Variants in ADGRV1 observed in about 807,000 individuals in gnomAD.
ADGRV1 encodes the protein G-protein coupled receptor 98.
Under a neutral mutation model 596.2 loss-of-function variants are expected in ADGRV1, and 359 were observed. That is an observed-to-expected ratio of 0.60 (90% CI 0.55 to 0.66). The LOEUF is 0.66. ADGRV1 is among the 30% of genes least tolerant of loss of function. The probability of loss-of-function intolerance (pLI) is 0.00; values close to 1 mark genes in which losing one functional copy is unlikely to be tolerated. For missense variants in ADGRV1, 7,274 were observed against 7,575.6 expected, an observed-to-expected ratio of 0.96 and a Z score of 1.48; for synonymous variants, 2,681 against 2,679.2, an observed-to-expected ratio of 1.00 and a Z score of -0.02.
chr5:90,917,583 T>C (rs1773495286), intron 83 of ADGRV1, among the ~76,000 whole-genome samples: 1 of 152,236 alleles, frequency 6.6e-6, no homozygotes. Flanking sequence ...TATCAAGCTC[T>C]GAATCTGCCA....
At chr5:91,049,073 A>AT (rs1056131239) in intron 85 of ADGRV1, among the ~76,000 whole-genome samples, 1 of 152,064 alleles carries the variant, frequency 6.6e-6, no homozygotes, top group Non-Finnish European at 1.5e-5. Context: ...TTAAAAAAAA[A>AT]AAATAAACCA....
intron 2 of ADGRV1, among the ~76,000 whole-genome samples, chr5:90,616,272 C>T (rs994644182): frequency 2.0e-5 from 3 of 151,936 alleles, no homozygotes; most frequent in Admixed American, 6.6e-5. Flanking sequence ...TGAGCTCTTT[C>T]GTGAAAGAGA....
At chr5:90,943,445 C>G (rs1048572686) in intron 83 of ADGRV1, among the ~76,000 whole-genome samples, 16 of 152,120 alleles carry the variant, frequency 1.1e-4, no homozygotes, top group Admixed American at 3.3e-4. Flanking sequence ...GCTGTGTTCC[C>G]TGACCTGCAT....
chr5:91,083,121 C>G (rs910474053), intron 86 of ADGRV1, among the ~76,000 whole-genome samples: 1 of 151,990 alleles, frequency 6.6e-6, no homozygotes, highest in African/African-American at 2.4e-5. Flanking sequence ...AGCCATCATT[C>G]TCAGCAAAGT....
At chr5:91,061,635 A>G (rs1458843665) in intron 85 of ADGRV1, among the ~76,000 whole-genome samples, 1 of 152,208 alleles carries the variant, frequency 6.6e-6, no homozygotes, top group Non-Finnish European at 1.5e-5. Context: ...TATTGCTGTA[A>G]TGTGTCCATT....
intron 52 of ADGRV1, among the ~76,000 whole-genome samples, chr5:90,747,412 C>G (rs1754746469): frequency 6.6e-6 from 1 of 152,000 alleles, no homozygotes; most frequent in Non-Finnish European, 1.5e-5. Context: ...TAGTCATATC[C>G]ATGGCTATGA....
chr5:91,086,088 C>T (rs538277819), intron 86 of ADGRV1, among the ~76,000 whole-genome samples: 1 of 152,304 alleles, frequency 6.6e-6, no homozygotes, highest in African/African-American at 2.4e-5. Context: ...TTTCACGACA[C>T]CCTATTCTTT....
At chr5:90,825,263 G>A (rs968982815) in intron 76 of ADGRV1, among the ~76,000 whole-genome samples, 1 of 152,048 alleles carries the variant, frequency 6.6e-6, no homozygotes, top group South Asian at 2.1e-4. Context: ...ATAGCTTTCC[G>A]TTAATCAAAA....
intron 86 of ADGRV1, among the ~76,000 whole-genome samples, chr5:91,085,837 C>T (rs1306397040): frequency 1.3e-5 from 2 of 152,306 alleles, no homozygotes; most frequent in African/African-American, 4.8e-5. Flanking sequence ...TACTGCCCTG[C>T]CTCTCTTCTT....
chr5:90,612,154 A>G (rs1762797800), intron 1 of ADGRV1, among the ~76,000 whole-genome samples: 1 of 152,050 alleles, frequency 6.6e-6, no homozygotes, highest in Non-Finnish European at 1.5e-5. Flanking sequence ...TTGGAGCTCT[A>G]ATTGCCTGGG....
At chr5:91,013,492 T>G (rs1174668578) in intron 85 of ADGRV1, among the ~76,000 whole-genome samples, 11 of 152,316 alleles carry the variant, frequency 7.2e-5, no homozygotes, top group African/African-American at 2.6e-4. Flanking sequence ...ATATGCCTGT[T>G]GGCCACATGT....
chr5:91,110,492 C>T (rs1792273673), intron 87 of ADGRV1, among the ~76,000 whole-genome samples: 1 of 152,138 alleles, frequency 6.6e-6, no homozygotes, highest in Non-Finnish European at 1.5e-5. Context: ...GCATATCACT[C>T]CTAGCTCTAA....
chr5:91,105,468 GT>G (rs1791778947), intron 87 of ADGRV1, among the ~76,000 whole-genome samples: 1 of 152,148 alleles, frequency 6.6e-6, no homozygotes. Flanking sequence ...GTGTAGAAGA[GT>G]TCTGTTTTCT....
intron 83 of ADGRV1, among the ~76,000 whole-genome samples, chr5:90,963,955 G>T (rs1778241232): frequency 2.0e-5 from 3 of 151,540 alleles, no homozygotes; most frequent in Admixed American, 2.0e-4. Context: ...AGCATGTTGG[G>T]TCTTATGTAA....
chr5:90,994,971 A>G (rs530009720), intron 85 of ADGRV1, among the ~76,000 whole-genome samples: 2 of 152,208 alleles, frequency 1.3e-5, no homozygotes, highest in Admixed American at 6.5e-5. Context: ...CATTATATAT[A>G]CCCTCAAAGT....
intron 85 of ADGRV1, among the ~76,000 whole-genome samples, chr5:91,018,982 C>T (rs1783406350): frequency 6.6e-6 from 1 of 151,968 alleles, no homozygotes; most frequent in Admixed American, 6.6e-5. Flanking sequence ...AACATAATGG[C>T]TGGTGGCTTC....
chr5:90,815,672 CT>C lies in ADGRV1; in HGVS notation c.16133del (p.Leu5378GlnfsTer9). On this transcript the variant is annotated frameshift_variant, in exon 75 of 90. Transcript: ENST00000405460. LOFTEE classifies it high-confidence loss of function. Reference protein sequence around the residue: ...IGFSEESQSGLELREGAVMRR... With the variant: ...IGFSEESQSGXELREGAVMRR... ...ATTCAGTGAGGAGTCCCAGAGTGGA[CT>C]AGAACTCAGGGAAGGAGCTGTTATG... 1 of 1,580,744 alleles carries C rather than the reference CT, an allele frequency of 6.3e-7. No homozygotes were observed. The highest frequency in any genetic ancestry group is 8.6e-7 in the Non-Finnish European group (1 of 1,162,344).
intron 87 of ADGRV1, among the ~76,000 whole-genome samples, chr5:91,126,512 T>A (rs570403950): frequency 6.6e-6 from 1 of 152,040 alleles, no homozygotes. Context: ...GTGAAGAGGG[T>A]AGAAGTAGAA....
chr5:90,767,111 T>C (rs1757227182), intron 59 of ADGRV1, among the ~76,000 whole-genome samples: 1 of 152,142 alleles, frequency 6.6e-6, no homozygotes, highest in South Asian at 2.1e-4. Flanking sequence ...ATGCCAAGAA[T>C]AGCCAGCAAC....
Sources: gnomAD v4.1 joint callset for allele counts (sites outside exome capture counted in the v4.1 genomes callset) on GRCh38, gnomAD v4.1.1 for gene constraint, MANE v1.5 for transcripts, NCBI Gene and HGNC (gene_info 2026-07-23, HGNC 2026-07-21) for gene names.